Variants in METTL15 observed in about 807,000 individuals in gnomAD.
The protein encoded by METTL15 is methyltransferase 15, mitochondrial 12S rRNA N4-cytidine.
Under a neutral mutation model 38.3 loss-of-function variants are expected in METTL15, and 34 were observed. The ratio of observed to expected loss-of-function variants is 0.89; its 90% CI spans 0.68 to 1.18. The LOEUF (loss-of-function observed/expected upper bound fraction) is 1.18. Ranked by LOEUF, METTL15 falls within the 50% of genes most tolerant of loss-of-function variation. The pLI is 0.00. For missense variants in METTL15, 438 were observed against 498.4 expected (o/e 0.88, Z 1.15); for synonymous variants, 162 against 170.9 (o/e 0.95, Z 0.41).
At chr11:28,114,014 G>A (rs1851836586) in intron 3 of METTL15, among the ~76,000 whole-genome samples, 1 of 152,128 alleles carries the variant, frequency 6.6e-6, no homozygotes, top group African/African-American at 2.4e-5. Context: ...GGTTTGTCAG[G>A]ACATAACCCC....
chr11:28,492,760 T>C (rs1247505839), intron 6 of METTL15, among the ~76,000 whole-genome samples: 1 of 152,136 alleles, frequency 6.6e-6, no homozygotes, highest in Non-Finnish European at 1.5e-5. Context: ...TGCTAGTATC[T>C]TATGTAAGTA....
intron 6 of METTL15, among the ~76,000 whole-genome samples, chr11:28,315,313 G>A (rs1399541526): frequency 6.6e-6 from 1 of 152,192 alleles, no homozygotes. Flanking sequence ...TGGAGCAAAG[G>A]TGACTCTGTT....
chr11:28,266,275 C>T (rs983434751), intron 4 of METTL15, among the ~76,000 whole-genome samples: 5 of 152,054 alleles, frequency 3.3e-5, no homozygotes, highest in East Asian at 3.9e-4. Flanking sequence ...TTTATTGCGG[C>T]GCTATTCACA....
chr11:28,403,896 G>C (rs947026658), intron 5 of METTL15, among the ~76,000 whole-genome samples: 1 of 151,990 alleles, frequency 6.6e-6, no homozygotes, highest in African/African-American at 2.4e-5. Flanking sequence ...ACTCTAAATA[G>C]CTTCTTATTC....
rs61571700 is a variant in METTL15 at position 28,280,667 on chromosome 11, C to CT, written c.408-9524dup. On this transcript the variant is annotated intron_variant, in intron 4 of 6. Transcript: ENST00000407364. ...AGGTTTTCTCACCATGTCTCTTATG[C>CT]TTTTTTTTTTTTTTTGTATCTTCCA... 5.5e-3 allele frequency among the ~76,000 whole-genome samples: 745 copies of CT among 135,284 alleles called. 3 individuals carry two copies. The highest frequency in any genetic ancestry group is 8.5e-3 in the Non-Finnish European group (537 of 63,274). 88.8% of individuals were successfully genotyped at this position (135,284 alleles called of 152,430 possible).
At chr11:28,246,486 C>T (rs757446110) in intron 4 of METTL15, among the ~76,000 whole-genome samples, 4 of 152,068 alleles carry the variant, frequency 2.6e-5, no homozygotes, top group South Asian at 2.1e-4. Context: ...GTGCAGTAAG[C>T]GAGCAACTTT....
rs1850083963 is a variant in METTL15, at chr11:28,355,607, A to G, written c.*258+3449A>G. Reference sequence around the variant, plus strand: ...TACAAATTAAAAACAATACAGTATAACAAGTATTTCCGTAGCATTTACATT... The same window carrying G: ...TACAAATTAAAAACAATACAGTATAGCAAGTATTTCCGTAGCATTTACATT... On this transcript the variant is annotated intron_variant and NMD_transcript_variant, in intron 4 of 7. Transcript: ENST00000532947. Among the ~76,000 whole-genome samples the G allele has an allele frequency of 5.3e-5, 8 of 152,370 alleles. 1 individual carries two copies. The South Asian group carries it at 1.7e-3, about 32-fold the overall frequency.
chr11:28,288,647 C>T (rs1223420240), intron 4 of METTL15, among the ~76,000 whole-genome samples: 2 of 152,018 alleles, frequency 1.3e-5, no homozygotes, highest in Non-Finnish European at 2.9e-5. Context: ...GAACAACACA[C>T]ACTGGGGCCT....
chr11:28,353,663 C>T (rs1258919460), intron 4 of METTL15, among the ~76,000 whole-genome samples: 1 of 152,104 alleles, frequency 6.6e-6, no homozygotes, highest in Non-Finnish European at 1.5e-5. Context: ...CGGTGGCTCA[C>T]GCCTGTAATC....
At position 28,209,186 on chromosome 11, in the gene METTL15, T is replaced by C. The variant is rs1378713992; in HGVS notation, c.271-1876T>C. Among the ~76,000 whole-genome samples the C allele has an allele frequency of 3.9e-5, 6 of 152,032 alleles. 1 individual carries two copies. In the East Asian group the frequency reaches 1.2e-3, roughly 29 times the overall value. On this transcript the variant is annotated intron_variant, in intron 3 of 6. Transcript: ENST00000407364. ...TTTCTTTAAATATTGATTGGGACTT[T>C]CTTGTCTCAGAATAAGGGTAATTGT...
chr11:28,476,949 G>A (rs539732243), intron 6 of METTL15, among the ~76,000 whole-genome samples: 1 of 152,274 alleles, frequency 6.6e-6, no homozygotes, highest in South Asian at 2.1e-4. Context: ...AAACTATGAA[G>A]CAGCAGAAAT....
intron 4 of METTL15, among the ~76,000 whole-genome samples, chr11:28,285,298 C>A (rs544341559): frequency 1.3e-5 from 2 of 152,112 alleles, no homozygotes; most frequent in Admixed American, 1.3e-4. Context: ...AGACCACATG[C>A]AGCCCAGGAC....
At chr11:28,200,031 T>C (rs1852051379) in intron 3 of METTL15, among the ~76,000 whole-genome samples, 1 of 152,130 alleles carries the variant, frequency 6.6e-6, no homozygotes, top group African/African-American at 2.4e-5. Flanking sequence ...GGGTTTATCA[T>C]AGTGAGTGCT....
At position 28,392,435 on chromosome 11, in the gene METTL15, G is replaced by A. The variant is rs574659713; in HGVS notation, c.*358+30399G>A. On this transcript the variant is annotated intron_variant and NMD_transcript_variant, in intron 5 of 7. Transcript: ENST00000532947. ...AGAAAGCCCAGAAATAGACCCTTTG[G>A]TATATGGTCAAATGATCTTAAACAA... 2.6e-5 allele frequency among the ~76,000 whole-genome samples: 4 copies of A among 152,090 alleles called. No homozygotes were observed. The East Asian group carries it at 7.8e-4, about 29-fold the overall frequency.
intron 5 of METTL15, among the ~76,000 whole-genome samples, chr11:28,400,088 CTTAAGCAG>C (rs757478103): frequency 1.3e-5 from 2 of 151,968 alleles, no homozygotes; most frequent in Non-Finnish European, 2.9e-5. Context: ...TTCCACCGTA[CTTAAGCAG>C]TAAAGAAAGA....
intron 3 of METTL15, among the ~76,000 whole-genome samples, chr11:28,152,611 G>A (rs1850129578): frequency 6.6e-6 from 1 of 151,664 alleles, no homozygotes; most frequent in Admixed American, 6.6e-5. Flanking sequence ...ATCTCTTAGT[G>A]TCCATGAGGG....
At chr11:28,320,520 A>G (rs1478140030) in intron 6 of METTL15, among the ~76,000 whole-genome samples, 2 of 152,092 alleles carry the variant, frequency 1.3e-5, no homozygotes, top group Non-Finnish European at 2.9e-5. Flanking sequence ...ATGTCATGCC[A>G]TTGCACTTCA....
At chr11:28,264,927 G>A (rs532010231) in intron 4 of METTL15, among the ~76,000 whole-genome samples, 1 of 152,116 alleles carries the variant, frequency 6.6e-6, no homozygotes, top group East Asian at 1.9e-4. Flanking sequence ...ATGTATGGGA[G>A]GAAATATTTT....
chr11:28,174,131 G>A (rs866626477), intron 3 of METTL15, among the ~76,000 whole-genome samples: 22 of 152,104 alleles, frequency 1.4e-4, no homozygotes, highest in South Asian at 2.1e-4. Flanking sequence ...CCTTCATTGG[G>A]GGTGGAATAT....
Sources: gnomAD v4.1 joint callset for allele counts (sites outside exome capture counted in the v4.1 genomes callset) on GRCh38, gnomAD v4.1.1 for gene constraint, MANE v1.5 for transcripts, NCBI Gene and HGNC (gene_info 2026-07-23, HGNC 2026-07-21) for gene names.